Variants in SLC9A7 observed in about 807,000 individuals in gnomAD.
SLC9A7 encodes sodium/hydrogen exchanger 7.
SLC9A7 carries 19 observed loss-of-function variants against 52.6 expected under a neutral mutation model. The observed-to-expected ratio is 0.36, with a 90% CI of 0.25 to 0.53. SLC9A7 has a LOEUF of 0.53. SLC9A7 is among the 20% of genes least tolerant of loss of function. The probability of loss-of-function intolerance (pLI) is 0.91; values close to 1 mark genes in which losing one functional copy is unlikely to be tolerated. For missense variants in SLC9A7, 455 were observed against 597.9 expected (o/e 0.76, Z 2.49); for synonymous variants, 226 against 252.1 (o/e 0.90, Z 0.98).
chrX:46,661,613 G>A (rs1260547569), intron 7 of SLC9A7, among the ~76,000 whole-genome samples: 5 of 110,612 alleles, frequency 4.5e-5, no homozygotes, highest in Admixed American at 2.9e-4. Flanking sequence ...ACTAGCTATC[G>A]CCACATAACA....
intron 13 of SLC9A7, among the ~76,000 whole-genome samples, chrX:46,633,372 A>AAAAAAC: frequency 2.0e-5 from 2 of 99,347 alleles, no homozygotes; most frequent in Non-Finnish European, 4.0e-5. Flanking sequence ...AAAAAAAAAA[A>AAAAAAC]AAAAAAAAAC....
At chrX:46,731,883 T>C (rs1945047489) in intron 1 of SLC9A7, among the ~76,000 whole-genome samples, 1 of 111,800 alleles carries the variant, frequency 8.9e-6, no homozygotes, top group Admixed American at 9.5e-5. Flanking sequence ...CCTTAAAACT[T>C]TTAAGAAGAT....
intron 1 of SLC9A7, among the ~76,000 whole-genome samples, chrX:46,729,666 G>A (rs769158312): frequency 4.5e-5 from 5 of 110,708 alleles, no homozygotes; most frequent in African/African-American, 6.6e-5. Context: ...CCAGCTACTC[G>A]GGAGGTTGAG....
At chrX:46,716,435 C>T (rs146472075) in intron 1 of SLC9A7, among the ~76,000 whole-genome samples, 200 of 111,803 alleles carry the variant, frequency 1.8e-3, no homozygotes, top group African/African-American at 6.2e-3. Flanking sequence ...AACCCTGAGA[C>T]GACTTAGGCA....
intron 1 of SLC9A7, among the ~76,000 whole-genome samples, chrX:46,709,785 A>G: frequency 8.9e-6 from 1 of 112,323 alleles, no homozygotes; most frequent in Non-Finnish European, 1.9e-5. Flanking sequence ...TTTAGTTTAT[A>G]CTATAGCAGT....
At chrX:46,742,685 A>C (rs1030158554) in intron 1 of SLC9A7, among the ~76,000 whole-genome samples, 5 of 112,250 alleles carry the variant, frequency 4.5e-5, no homozygotes, top group Non-Finnish European at 7.5e-5. Flanking sequence ...ATCTATCTAT[A>C]TGTTAAAATT....
At chrX:46,714,074 T>C (rs900676056) in intron 1 of SLC9A7, among the ~76,000 whole-genome samples, 1 of 111,222 alleles carries the variant, frequency 9.0e-6, no homozygotes, top group Non-Finnish European at 1.9e-5. Flanking sequence ...ATGCTAATAG[T>C]TTCAAATCAG....
chrX:46,606,157 CA>C lies in SLC9A7; in HGVS notation c.*794del, dbSNP rs1249062586. The C allele has an allele frequency of 0.024, 11,523 of 486,141 alleles. No individual in the cohort carries two copies. The highest frequency in any genetic ancestry group is 0.026 in the Non-Finnish European group (10,504 of 401,531). 40.1% of individuals were successfully genotyped at this position (486,141 alleles called of 1,213,427 possible). Reference sequence around the variant, plus strand: ...GTGACAGAGTGAAACACCATCTCAACAAAAAAAAAAAGTTGAATGCTTTTTG... The same window carrying C: ...GTGACAGAGTGAAACACCATCTCAACAAAAAAAAAAGTTGAATGCTTTTTG... On this transcript the variant is annotated 3_prime_UTR_variant, in exon 17 of 17. Transcript: ENST00000616978.
In SLC9A7 at chrX:46,627,779, G is replaced by A. The variant is rs765677929; in HGVS notation, c.1740+3807C>T. Among the ~76,000 whole-genome samples the A allele has an allele frequency of 8.5e-5, 2 of 23,634 alleles. 1 individual carries two copies. Among genetic ancestry groups the A allele is most frequent in the South Asian group, 3.5e-3 (2 of 570 alleles). 20.5% of individuals were successfully genotyped at this position (23,634 alleles called of 115,157 possible). A position where few individuals can be genotyped will look rare whatever the true frequency, so the allele number is the denominator to read the frequency against. ...GGAAGCACAAAAAAATGGGCGGGTT[G>A]GGGGGGGGGCGGTGGTCACAGAGTA... On this transcript the variant is annotated intron_variant, in intron 14 of 16. Coordinates refer to ENST00000616978, the MANE Select transcript of SLC9A7 (RefSeq NM_001257291.2).
chrX:46,725,223 T>A, intron 1 of SLC9A7: 1 of 1,026,655 alleles, frequency 9.7e-7, no homozygotes, highest in South Asian at 1.9e-5. Context: ...GTTTTTCGTA[T>A]CAGTGGGAAC....
chrX:46,674,453 A>G (rs770181970), intron 3 of SLC9A7, among the ~76,000 whole-genome samples: 1 of 112,121 alleles, frequency 8.9e-6, no homozygotes, highest in East Asian at 2.8e-4. Context: ...GTGTTTTCAC[A>G]TATATTAGCC....
chrX:46,747,388 T>A (rs763962498), intron 1 of SLC9A7, among the ~76,000 whole-genome samples: 1 of 112,006 alleles, frequency 8.9e-6, no homozygotes. Flanking sequence ...ATTTATTAAA[T>A]TATAACATAC....
intron 1 of SLC9A7, among the ~76,000 whole-genome samples, chrX:46,711,325 C>T (rs1944683319): frequency 8.9e-6 from 1 of 112,512 alleles, no homozygotes; most frequent in African/African-American, 3.2e-5. Flanking sequence ...AACAGAAAAC[C>T]GCGTGGCATA....
rs1003805757 is a variant in SLC9A7 at position 46,599,373 on chromosome X, A to G, written c.*7579T>C. 2 of 112,425 alleles carry G rather than the reference A, an allele frequency of 1.8e-5. No individual in the cohort carries two copies. The highest frequency in any genetic ancestry group is 3.7e-5 in the Non-Finnish European group (2 of 53,341). 9.3% of individuals were successfully genotyped at this position (112,425 alleles called of 1,213,427 possible). ...GAGAGGAATAGCTTACACCCAGAAAAGAACCTCTCAGTGAGGGAAACAGAC... is the reference window on the plus strand; with the variant it reads ...GAGAGGAATAGCTTACACCCAGAAAGGAACCTCTCAGTGAGGGAAACAGAC... On this transcript the variant is annotated 3_prime_UTR_variant, in exon 17 of 17. Transcript: ENST00000616978.
Position 46,606,372 on chromosome X carries a change from T to C in SLC9A7, c.*580A>G, listed in dbSNP as rs1942743237. On this transcript the variant is annotated 3_prime_UTR_variant, in exon 17 of 17. Transcript: ENST00000616978. ...TGGATGTATTTTCAAATCTTCAGTCTAGAAAAAACACAGGCAGCATAAAGT... is the reference window on the plus strand; with the variant it reads ...TGGATGTATTTTCAAATCTTCAGTCCAGAAAAAACACAGGCAGCATAAAGT... 7 of 755,769 alleles carry C rather than the reference T, an allele frequency of 9.3e-6. No individual in the cohort carries two copies. The highest frequency in any genetic ancestry group is 1.1e-5 in the Non-Finnish European group (7 of 640,155). 62.3% of individuals were successfully genotyped at this position (755,769 alleles called of 1,213,427 possible). A position where few individuals can be genotyped will look rare whatever the true frequency, so the allele number is the denominator to read the frequency against.
Position 46,651,194 on chromosome X carries a change from C to G in SLC9A7, c.1266G>C (p.Glu422Asp), listed in dbSNP as rs761582403. The G allele has an allele frequency of 8.3e-7, 1 of 1,208,041 alleles. No homozygotes were observed. The highest frequency in any genetic ancestry group is 1.1e-6 in the Non-Finnish European group (1 of 893,148). Residue 422 changes from glutamate (E) to aspartate (D), a missense_variant, in exon 10 of 17, where the codon GAG becomes GAC. Coordinates refer to ENST00000616978, the MANE Select transcript of SLC9A7 (RefSeq NM_001257291.2). ...GGCCCATGTAGGAGAAGATGAAGTT[C>G]TCTGCCAGGAAATGTAACACCTCAA... ...QLFEVLHFLA[E>D]NFIFSYMGLA...
intron 4 of SLC9A7, 137 bp downstream of exon 4, chrX:46,672,414 T>C: frequency 2.5e-6 from 1 of 407,814 alleles, no homozygotes. Context: ...GGCTAATAGC[T>C]ACCATACTGA....
chrX:46,625,258 TTC>T (rs1813216133), intron 14 of SLC9A7, among the ~76,000 whole-genome samples: 1 of 109,805 alleles, frequency 9.1e-6, no homozygotes. Context: ...TTTTTTTTTT[TTC>T]AGGGATGGAG....
chrX:46,626,829 G>A (rs1943138279), intron 14 of SLC9A7, among the ~76,000 whole-genome samples: 1 of 112,161 alleles, frequency 8.9e-6, no homozygotes, highest in African/African-American at 3.2e-5. Context: ...CTATGATTGT[G>A]CGTTTCCTGA....
Sources: allele counts gnomAD v4.1 joint callset (sites outside exome capture counted in the v4.1 genomes callset), GRCh38; gene constraint gnomAD v4.1.1; transcripts MANE v1.5; gene names NCBI Gene and HGNC (gene_info 2026-07-23, HGNC 2026-07-21).